Variants in UBXN2A observed in about 807,000 individuals in gnomAD.
UBXN2A encodes the protein UBX domain-containing protein 2A.
UBXN2A carries 28 observed loss-of-function variants against 28.4 expected under a neutral mutation model. The observed-to-expected ratio is 0.99, with a 90% CI of 0.73 to 1.35. The LOEUF is 1.35. UBXN2A is among the 40% of genes most tolerant of loss of function. The pLI is 0.00. For synonymous variants in UBXN2A, 97 were observed against 103.6 expected, an observed-to-expected ratio of 0.94 and a Z score of 0.39; for missense variants, 253 against 297.9, an observed-to-expected ratio of 0.85 and a Z score of 1.11.
intron 6 of UBXN2A, among the ~76,000 whole-genome samples, chr2:23,988,481 G>A (rs1708218281): frequency 6.6e-6 from 1 of 152,022 alleles, no homozygotes; most frequent in African/African-American, 2.4e-5. Flanking sequence ...AATTTGTTTT[G>A]TTTGATGCTT....
intron 1 of UBXN2A, among the ~76,000 whole-genome samples, chr2:23,934,867 A>C (rs908251960): frequency 2.0e-5 from 3 of 152,112 alleles, no homozygotes; most frequent in Admixed American, 6.6e-5. Flanking sequence ...TGAGGTCAAG[A>C]GTTCAAGACC....
chr2:23,935,792 G>C (rs1416905740), upstream of UBXN2A, among the ~76,000 whole-genome samples: 1 of 152,198 alleles, frequency 6.6e-6, no homozygotes, highest in Non-Finnish European at 1.5e-5. Context: ...GCCCACACCT[G>C]TAATCCCAGC....
intron 2 of UBXN2A, among the ~76,000 whole-genome samples, chr2:23,961,121 G>C (rs1209470261): frequency 6.6e-6 from 1 of 151,258 alleles, no homozygotes; most frequent in African/African-American, 2.4e-5. Flanking sequence ...TTGAGACGGA[G>C]TTTTGCTCTT....
intron 3 of UBXN2A, among the ~76,000 whole-genome samples, chr2:23,974,000 C>T (rs1276366473): frequency 6.8e-6 from 1 of 147,022 alleles, no homozygotes; most frequent in Non-Finnish European, 1.5e-5. Context: ...CTTATAGTAG[C>T]TGTTGAAAAT....
chr2:23,929,362 A>G (rs974330615), intron 1 of UBXN2A, among the ~76,000 whole-genome samples: 3 of 151,262 alleles, frequency 2.0e-5, no homozygotes, highest in South Asian at 2.1e-4. Context: ...AGTTCATGCC[A>G]TTGTACTTTA....
chr2:23,943,971 T>A (rs991093125), intron 1 of UBXN2A: 4 of 459,410 alleles, frequency 8.7e-6, no homozygotes, highest in Non-Finnish European at 8.6e-6. Flanking sequence ...GGAATGGTTC[T>A]GGAATAAGAA....
chr2:23,989,306 CTTTT>C (rs78978613), intron 6 of UBXN2A, among the ~76,000 whole-genome samples: 1 of 137,090 alleles, frequency 7.3e-6, no homozygotes. Flanking sequence ...GTATTTATTC[CTTTT>C]TTTTTTTTTT....
At chr2:23,931,522 A>G (rs935878326) in intron 1 of UBXN2A, among the ~76,000 whole-genome samples, 7 of 152,200 alleles carry the variant, frequency 4.6e-5, no homozygotes, top group Middle Eastern at 3.2e-3. Flanking sequence ...GGAAATAACT[A>G]AAACGTTGGT....
At chr2:23,981,501 A>G (rs1707901935) in intron 4 of UBXN2A, among the ~76,000 whole-genome samples, 1 of 149,006 alleles carries the variant, frequency 6.7e-6, no homozygotes, top group Non-Finnish European at 1.5e-5. Flanking sequence ...AAAAAAAAAA[A>G]AAAAAATAGA....
chr2:23,948,541 G>A (rs540423926), intron 1 of UBXN2A, among the ~76,000 whole-genome samples: 6 of 152,010 alleles, frequency 3.9e-5, no homozygotes, highest in African/African-American at 1.4e-4. Context: ...GCGTGAGCTT[G>A]AAGATGTTTC....
At chr2:23,972,053 C>G (rs1558296483) in intron 3 of UBXN2A, among the ~76,000 whole-genome samples, 1 of 151,974 alleles carries the variant, frequency 6.6e-6, no homozygotes, top group Non-Finnish European at 1.5e-5. Flanking sequence ...GAGCCATGAC[C>G]GCACCACTGC....
intron 1 of UBXN2A, among the ~76,000 whole-genome samples, chr2:23,949,658 T>C (rs1280844906): frequency 6.6e-6 from 1 of 152,066 alleles, no homozygotes; most frequent in South Asian, 2.1e-4. Flanking sequence ...GAGGATCACC[T>C]GAGGTCAGTA....
chr2:24,000,118 A>G lies in UBXN2A; in HGVS notation c.*251A>G. On this transcript the variant is annotated 3_prime_UTR_variant, in exon 7 of 7. Transcript: ENST00000309033. ...GACTTATTTTCAAATACCAGTTATC[A>G]AGATATATTAAATAGCTGTATTGTT... 2.3e-6 allele frequency: 1 copy of G among 439,012 alleles called. No homozygotes were observed. Among genetic ancestry groups the G allele is most frequent in the Non-Finnish European group, 4.0e-6 (1 of 248,884 alleles). 27.2% of individuals were successfully genotyped at this position (439,012 alleles called of 1,614,324 possible).
intron 5 of UBXN2A, among the ~76,000 whole-genome samples, chr2:23,983,413 A>C (rs1186008105): frequency 1.3e-5 from 2 of 152,048 alleles, no homozygotes; most frequent in Non-Finnish European, 2.9e-5. Context: ...AGGCTGAGGC[A>C]GGAGAATCGC....
chr2:23,998,394 T>A (rs1708621171), intron 6 of UBXN2A, among the ~76,000 whole-genome samples: 1 of 152,128 alleles, frequency 6.6e-6, no homozygotes, highest in African/African-American at 2.4e-5. Context: ...AGAAGACACA[T>A]TTGAAAAATA....
At chr2:23,972,722 C>T (rs1356593591) in intron 3 of UBXN2A, among the ~76,000 whole-genome samples, 16 of 151,420 alleles carry the variant, frequency 1.1e-4, no homozygotes, top group African/African-American at 2.7e-4. Flanking sequence ...CTCAGGAGGC[C>T]GAGGCAGGAG....
At chr2:23,960,550 C>A (rs1012415107) in intron 2 of UBXN2A, among the ~76,000 whole-genome samples, 1 of 152,100 alleles carries the variant, frequency 6.6e-6, no homozygotes, top group South Asian at 2.1e-4. Context: ...TCAATTTTCG[C>A]GCATTTATAT....
intron 2 of UBXN2A, among the ~76,000 whole-genome samples, chr2:23,960,726 A>G (rs1042946694): frequency 3.3e-5 from 5 of 152,036 alleles, no homozygotes; most frequent in African/African-American, 1.2e-4. Context: ...TCCACCTCCC[A>G]GGTTCAAGCA....
At chr2:23,949,310 G>A (rs1019700199) in intron 1 of UBXN2A, among the ~76,000 whole-genome samples, 4 of 151,890 alleles carry the variant, frequency 2.6e-5, no homozygotes, top group African/African-American at 7.2e-5. Context: ...GGTGGCTCAC[G>A]CTTGTAATCC....
Sources: gnomAD v4.1 joint callset for allele counts (sites outside exome capture counted in the v4.1 genomes callset) on GRCh38, gnomAD v4.1.1 for gene constraint, MANE v1.5 for transcripts, NCBI Gene and HGNC (gene_info 2026-07-23, HGNC 2026-07-21) for gene names.